The following ARL14EPL variants were observed in gnomAD, a reference collection of about 807,000 sequenced individuals.
The protein encoded by ARL14EPL is ARL14 effector protein-like.
A neutral mutation model predicts 15.9 loss-of-function variants in ARL14EPL; 17 were observed. That is an observed-to-expected ratio of 1.07 (90% CI 0.73 to 1.60). The LOEUF (loss-of-function observed/expected upper bound fraction) is 1.60, where lower values mean the gene tolerates loss of function less well. ARL14EPL is among the 40% of genes most tolerant of loss of function. ARL14EPL has a pLI of 0.00. For missense variants in ARL14EPL, 214 were observed against 185.9 expected (o/e 1.15, Z -0.88); for synonymous variants, 78 against 63.8 (o/e 1.22, Z -1.06).
At chr5:116,038,164 A>G (rs1300429244) in intron 1 of ARL14EPL, among the ~76,000 whole-genome samples, 2 of 152,190 alleles carry the variant, frequency 1.3e-5, no homozygotes, top group Non-Finnish European at 2.9e-5. Flanking sequence ...ACAGTGAAAA[A>G]TGTGCCATTG....
chr5:116,040,972 T>G (rs982541229), intron 1 of ARL14EPL, among the ~76,000 whole-genome samples: 4 of 14,734 alleles, frequency 2.7e-4, no homozygotes, highest in Non-Finnish European at 5.8e-4. Context: ...AGAACGAGAT[T>G]CCCTCTCAAA....
At chr5:116,053,175 C>G (rs1749430728) in intron 2 of ARL14EPL, among the ~76,000 whole-genome samples, 1 of 151,968 alleles carries the variant, frequency 6.6e-6, no homozygotes, top group Admixed American at 6.5e-5. Flanking sequence ...TGGTGAAACC[C>G]CATCTCTACT....
rs1281980592 is a variant in ARL14EPL at position 116,050,812 on chromosome 5, CTCTT to C, written c.-9-644_-9-641del. ...TCTCTCTCTCTCTCTCTCTCTCTCTCTCTTACACACACACATGCACACACACACA... is the reference window on the plus strand; with the variant it reads ...TCTCTCTCTCTCTCTCTCTCTCTCTCACACACACACATGCACACACACACA... On this transcript the variant is annotated intron_variant, in intron 1 of 3. Transcript: ENST00000686077. 1.5e-3 allele frequency among the ~76,000 whole-genome samples: 203 copies of C among 135,510 alleles called. 1 individual carries two copies. The highest frequency in any genetic ancestry group is 5.7e-3 in the African/African-American group (199 of 34,798). 88.9% of individuals were successfully genotyped at this position (135,510 alleles called of 152,430 possible). A position where few individuals can be genotyped will look rare whatever the true frequency, so the allele number is the denominator to read the frequency against.
At chr5:116,042,508 C>T (rs1369021088) in intron 1 of ARL14EPL, among the ~76,000 whole-genome samples, 1 of 152,170 alleles carries the variant, frequency 6.6e-6, no homozygotes, top group Non-Finnish European at 1.5e-5. Context: ...AAAAATACAA[C>T]TCATAACACC....
intron 2 of ARL14EPL, chr5:116,051,943 A>C (rs988436678): frequency 3.2e-5 from 52 of 1,609,108 alleles, no homozygotes; most frequent in Non-Finnish European, 4.3e-5. Context: ...GAGCATCTCC[A>C]CCCTTGGTAT....
chr5:116,046,445 G>C (rs1446442599), intron 1 of ARL14EPL, among the ~76,000 whole-genome samples: 2 of 152,146 alleles, frequency 1.3e-5, no homozygotes, highest in Non-Finnish European at 2.9e-5. Context: ...AGTGATAAAC[G>C]TATGAGTCAT....
intron 1 of ARL14EPL, among the ~76,000 whole-genome samples, chr5:116,034,507 A>T: frequency 6.6e-6 from 1 of 152,194 alleles, no homozygotes; most frequent in East Asian, 1.9e-4. Flanking sequence ...CACAAGGTTG[A>T]TGTTTTCCTT....
chr5:116,047,281 G>A (rs1172021587), intron 1 of ARL14EPL, among the ~76,000 whole-genome samples: 2 of 152,182 alleles, frequency 1.3e-5, no homozygotes, highest in East Asian at 1.9e-4. Context: ...AAGAGCTGAA[G>A]GAGGAAAACT....
chr5:116,035,885 G>C (rs992989284), intron 1 of ARL14EPL, among the ~76,000 whole-genome samples: 1 of 152,244 alleles, frequency 6.6e-6, no homozygotes, highest in Non-Finnish European at 1.5e-5. Flanking sequence ...GAATTCAACA[G>C]CCACTGCCGG....
chr5:116,047,572 G>A (rs1749296910), intron 1 of ARL14EPL, among the ~76,000 whole-genome samples: 1 of 152,216 alleles, frequency 6.6e-6, no homozygotes, highest in Admixed American at 6.5e-5. Context: ...TGATTGGCCA[G>A]AGAATGTATG....
chr5:116,052,787 T>C (rs1749417597), intron 2 of ARL14EPL, among the ~76,000 whole-genome samples: 1 of 152,230 alleles, frequency 6.6e-6, no homozygotes, highest in African/African-American at 2.4e-5. Flanking sequence ...CATGACATTC[T>C]GTTACTAATT....
intron 1 of ARL14EPL, among the ~76,000 whole-genome samples, chr5:116,039,780 T>A (rs971777496): frequency 1.3e-5 from 2 of 152,182 alleles, no homozygotes; most frequent in African/African-American, 2.4e-5. Flanking sequence ...ATACATTAGA[T>A]AATTACAGAT....
chr5:116,058,580 T>A, intron 3 of ARL14EPL, 145 bp from the exon 4 acceptor site: 1 of 751,998 alleles, frequency 1.3e-6, no homozygotes. Flanking sequence ...GGAGTTCTGG[T>A]CCAGAGTACC....
chr5:116,053,950 G>C (rs1749454665), intron 2 of ARL14EPL, 64 bp from the exon 3 acceptor site: 1 of 1,375,814 alleles, frequency 7.3e-7, no homozygotes, highest in Non-Finnish European at 9.7e-7. Context: ...AGTTCATTTT[G>C]GGGAAATGTA....
Position 116,051,465 on chromosome 5 carries a change from G to A in ARL14EPL, c.-1G>A, listed in dbSNP as rs1391726563. Reference sequence around the variant, plus strand: ...TCCAATTACTTTTTAAGTGATCAGAGATGAATGAACAATCAGAGAAAAACA... The same window carrying A: ...TCCAATTACTTTTTAAGTGATCAGAAATGAATGAACAATCAGAGAAAAACA... On this transcript the variant is annotated 5_prime_UTR_variant, in exon 2 of 4. Transcript: ENST00000686077. The A allele has an allele frequency of 3.9e-6, 6 of 1,527,866 alleles. No homozygotes were observed. Among genetic ancestry groups the A allele is most frequent in the Middle Eastern group, 1.7e-4 (1 of 5,972 alleles). The allele number at this position is 1,527,866 out of a possible 1,614,324, so 94.6% of individuals were successfully genotyped here. A position where few individuals can be genotyped will look rare whatever the true frequency, so the allele number is the denominator to read the frequency against.
chr5:116,040,979 C>CTCAAAAAAAAAAAAAAAA (rs1749144062), intron 1 of ARL14EPL, among the ~76,000 whole-genome samples: 1 of 66,182 alleles, frequency 1.5e-5, no homozygotes, highest in Non-Finnish European at 2.8e-5. Context: ...GATTCCCTCT[C>CTCAAAAAAAAAAAAAAAA]AAAAAAAAAA....
rs1031059685 is a variant in ARL14EPL, at chr5:116,039,682, T to C, written c.-10+7177T>C. 2.0e-5 allele frequency among the ~76,000 whole-genome samples: 3 copies of C among 150,890 alleles called. No homozygotes were observed. In the East Asian group the frequency reaches 5.8e-4, roughly 29 times the overall value. Reference sequence around the variant, plus strand: ...CCAAAGTTCTTAGAAGAATATGACATAGAAAAAAAAACAAGAAAGCTAAAA... The same window carrying C: ...CCAAAGTTCTTAGAAGAATATGACACAGAAAAAAAAACAAGAAAGCTAAAA... On this transcript the variant is annotated intron_variant, in intron 1 of 3. Transcript: ENST00000686077.
intron 3 of ARL14EPL, among the ~76,000 whole-genome samples, chr5:116,055,651 AAT>A (rs1749498984): frequency 2.0e-5 from 3 of 151,032 alleles, no homozygotes; most frequent in African/African-American, 7.3e-5. Context: ...ATATATATAT[AAT>A]TTTTTTTATT....
chr5:116,051,274 G>T (rs1490052033), intron 1 of ARL14EPL, 183 bp from the exon 2 acceptor site: 2 of 507,270 alleles, frequency 3.9e-6, no homozygotes, highest in African/African-American at 2.0e-5. Flanking sequence ...GCCTCAGTAG[G>T]GTGGTCTGGG....
Sources: allele counts gnomAD v4.1 joint callset (sites outside exome capture counted in the v4.1 genomes callset), GRCh38; gene constraint gnomAD v4.1.1; transcripts MANE v1.5; gene names NCBI Gene and HGNC (gene_info 2026-07-23, HGNC 2026-07-21).